NCOA3: variants seen among roughly 807,000 people sequenced by gnomAD.
NCOA3 encodes nuclear receptor coactivator 3, also known as CBP-interacting protein.
A neutral mutation model predicts 158.8 loss-of-function variants in NCOA3; 51 were observed. The observed-to-expected ratio is 0.32, with a 90% CI of 0.26 to 0.41. The LOEUF (loss-of-function observed/expected upper bound fraction) is 0.41. NCOA3 is among the 10% of genes least tolerant of loss of function. The probability of loss-of-function intolerance (pLI) is 1.00; values close to 1 mark genes in which losing one functional copy is unlikely to be tolerated. For missense variants in NCOA3, 1,510 were observed against 1,746.6 expected (o/e 0.86, Z 2.41); for synonymous variants, 537 against 592.4 (o/e 0.91, Z 1.36).
intron 5 of NCOA3, among the ~76,000 whole-genome samples, chr20:47,626,747 T>G (rs1216337113): frequency 1.3e-5 from 2 of 152,246 alleles, no homozygotes; most frequent in Non-Finnish European, 2.9e-5. Flanking sequence ...TGGCTTCTCC[T>G]TGGCTTGTCA....
At chr20:47,574,299 A>G (rs1413547105) in intron 1 of NCOA3, among the ~76,000 whole-genome samples, 1 of 152,190 alleles carries the variant, frequency 6.6e-6, no homozygotes, top group Non-Finnish European at 1.5e-5. Context: ...GATTACATAT[A>G]TAAAATTACA....
intron 8 of NCOA3, among the ~76,000 whole-genome samples, chr20:47,629,331 CT>C (rs754326972): frequency 1.4e-3 from 194 of 142,768 alleles, no homozygotes; most frequent in Non-Finnish European, 1.2e-3. Flanking sequence ...ATGGATGTTA[CT>C]TTTTTTTTTT....
chr20:47,502,389 A>G (rs2083948401), intron 1 of NCOA3, among the ~76,000 whole-genome samples: 1 of 152,158 alleles, frequency 6.6e-6, no homozygotes, highest in East Asian at 1.9e-4. Flanking sequence ...AGCCCTTTTG[A>G]AAGCTCCCCG....
chr20:47,502,077 G>T, intron 1 of NCOA3, 58 bp downstream of exon 1: 1 of 399,252 alleles, frequency 2.5e-6, no homozygotes, highest in Admixed American at 4.4e-5. Context: ...GCGAGGCGGA[G>T]GGAAGAGGGG....
chr20:47,562,473 C>G (rs1353946742), intron 1 of NCOA3, among the ~76,000 whole-genome samples: 1 of 151,838 alleles, frequency 6.6e-6, no homozygotes, highest in East Asian at 1.9e-4. Flanking sequence ...GTTTGCATTT[C>G]CCTGATGACG....
At chr20:47,565,261 A>G (rs1290678035) in intron 1 of NCOA3, among the ~76,000 whole-genome samples, 2 of 152,294 alleles carry the variant, frequency 1.3e-5, no homozygotes, top group South Asian at 2.1e-4. Context: ...GATTACAGGC[A>G]TGAGCCACGG....
chr20:47,572,225 G>C (rs1406343222), intron 1 of NCOA3, among the ~76,000 whole-genome samples: 2 of 152,100 alleles, frequency 1.3e-5, no homozygotes, highest in Non-Finnish European at 2.9e-5. Context: ...CAGCAATAAG[G>C]CTGTTTCACT....
intron 1 of NCOA3, among the ~76,000 whole-genome samples, chr20:47,506,768 C>CT (rs5841699): frequency 3.5e-4 from 53 of 151,742 alleles, no homozygotes; most frequent in African/African-American, 1.1e-3. Flanking sequence ...ACATCTGTGT[C>CT]TTTTTTTTTA....
intron 1 of NCOA3, among the ~76,000 whole-genome samples, chr20:47,553,834 T>C (rs1602392503): frequency 6.6e-6 from 1 of 152,162 alleles, no homozygotes; most frequent in Admixed American, 6.6e-5. Context: ...GTCTTTGCTA[T>C]TGTGAATAGT....
At chr20:47,509,283 G>A (rs572977800) in intron 1 of NCOA3, among the ~76,000 whole-genome samples, 2 of 152,064 alleles carry the variant, frequency 1.3e-5, no homozygotes, top group African/African-American at 4.8e-5. Context: ...GGTCCCAGCC[G>A]CATGTGAGAC....
At chr20:47,507,809 C>A (rs931886074) in intron 1 of NCOA3, among the ~76,000 whole-genome samples, 1 of 152,026 alleles carries the variant, frequency 6.6e-6, no homozygotes, top group African/African-American at 2.4e-5. Flanking sequence ...GTAGAGATGG[C>A]GGTTTCTCCA....
chr20:47,656,123 T>C lies in NCOA3; in HGVS notation c.*2706T>C. ...TAGAATGTGGGATATTTCCAGTACC[T>C]ACTTTTTTTTTTTTTTTTTGCTGAA... is the stretch of plus-strand genomic sequence containing the variant. On this transcript the variant is annotated 3_prime_UTR_variant, in exon 23 of 23. Coordinates refer to ENST00000371998, the MANE Select transcript of NCOA3 (RefSeq NM_181659.3). The C allele has an allele frequency of 7.1e-6, 1 of 140,360 alleles. No homozygotes were observed. Among genetic ancestry groups the C allele is most frequent in the East Asian group, 2.0e-4 (1 of 4,968 alleles). The allele number at this position is 140,360 out of a possible 1,614,324, so 8.7% of individuals were successfully genotyped here.
At chr20:47,536,953 G>T (rs1000515005) in intron 1 of NCOA3, among the ~76,000 whole-genome samples, 1 of 151,626 alleles carries the variant, frequency 6.6e-6, no homozygotes, top group Non-Finnish European at 1.5e-5. Flanking sequence ...ACAGGTGTGC[G>T]CCACCATGCC....
intron 2 of NCOA3, among the ~76,000 whole-genome samples, chr20:47,607,117 A>G (rs544612545): frequency 5.3e-5 from 8 of 152,352 alleles, no homozygotes; most frequent in Admixed American, 3.3e-4. Flanking sequence ...GTTAGATCCA[A>G]TGCATTTTAA....
intron 1 of NCOA3, among the ~76,000 whole-genome samples, chr20:47,520,055 C>T (rs1209348705): frequency 2.6e-5 from 3 of 116,022 alleles, no homozygotes; most frequent in African/African-American, 3.5e-5. Flanking sequence ...AGCAACTGTG[C>T]CTGGCCAAAA....
chr20:47,539,794 G>C (rs568654567), intron 1 of NCOA3, among the ~76,000 whole-genome samples: 2 of 152,118 alleles, frequency 1.3e-5, no homozygotes, highest in Non-Finnish European at 2.9e-5. Flanking sequence ...CAAAGTGTTG[G>C]GATTACAGGT....
chr20:47,516,827 T>C (rs1238364675), intron 1 of NCOA3, among the ~76,000 whole-genome samples: 1 of 151,214 alleles, frequency 6.6e-6, no homozygotes, highest in Admixed American at 6.6e-5. Flanking sequence ...CTCGGGAGGC[T>C]GAGGTGGGAA....
rs149138216 is a variant in NCOA3, at chr20:47,529,406, G to A, written c.-99+27387G>A. On this transcript the variant is annotated intron_variant, in intron 1 of 22. Coordinates refer to ENST00000371998, the MANE Select transcript of NCOA3 (RefSeq NM_181659.3). Reference sequence around the variant, plus strand: ...CGTGCTAGGATTACAGGCATGAGCCGCCGTGCCCAGCATCTAAAAAACTTT... The same window carrying A: ...CGTGCTAGGATTACAGGCATGAGCCACCGTGCCCAGCATCTAAAAAACTTT... Among the ~76,000 whole-genome samples, 397 of 151,800 alleles carry A rather than the reference G, an allele frequency of 2.6e-3. 2 individuals are homozygous for A. The highest frequency in any genetic ancestry group is 9.1e-3 in the African/African-American group (377 of 41,368).
intron 16 of NCOA3, among the ~76,000 whole-genome samples, chr20:47,641,315 T>C (rs2086602665): frequency 6.8e-6 from 1 of 146,356 alleles, no homozygotes; most frequent in Non-Finnish European, 1.5e-5. Flanking sequence ...CAGTGATAGC[T>C]CAACATTTCT....
Sources: allele counts gnomAD v4.1 joint callset (sites outside exome capture counted in the v4.1 genomes callset), GRCh38; gene constraint gnomAD v4.1.1; transcripts MANE v1.5; gene names NCBI Gene and HGNC (gene_info 2026-07-23, HGNC 2026-07-21).